The following OCRL variants were observed in gnomAD, a reference collection of about 807,000 sequenced individuals.
The protein encoded by OCRL is OCRL inositol polyphosphate-5-phosphatase.
Under a neutral mutation model 78.9 loss-of-function variants are expected in OCRL, and 8 were observed. The ratio of observed to expected loss-of-function variants is 0.10; its 90% CI spans 0.06 to 0.18. The LOEUF (loss-of-function observed/expected upper bound fraction) is 0.18, where lower values mean the gene tolerates loss of function less well. OCRL is among the 10% of genes least tolerant of loss of function. The pLI is 1.00. For missense variants in OCRL, 454 were observed against 696.7 expected, an observed-to-expected ratio of 0.65 and a Z score of 3.92; for synonymous variants, 240 against 235.4, an observed-to-expected ratio of 1.02 and a Z score of -0.18.
At chrX:129,584,323 C>A (rs951264023) in intron 18 of OCRL, 21 bp from the exon 19 acceptor site, 2 of 1,200,118 alleles carry the variant, frequency 1.7e-6, no homozygotes, top group South Asian at 1.8e-5. Flanking sequence ...CAATGACTTT[C>A]TTTTCCTGCT....
rs141191087 is a variant in OCRL at position 129,588,962 on chromosome X, G to A, written c.2418G>A (p.Glu806=). ...EALPEPVICY[E]LYQRCLDSAY... Reference sequence around the variant, plus strand: ...TGCCAGAGCCAGTCATCTGTTACGAGCTGTATCAGCGATGTCTTGACTCTG... The same window carrying A: ...TGCCAGAGCCAGTCATCTGTTACGAACTGTATCAGCGATGTCTTGACTCTG... The change falls in exon 22 of 24, where the codon GAG becomes GAA. Residue 806 remains glutamate, a synonymous_variant. Transcript: ENST00000371113. The A allele has an allele frequency of 1.7e-6, 2 of 1,209,812 alleles. No individual in the cohort carries two copies. The highest frequency in any genetic ancestry group is 1.7e-5 in the African/African-American group (1 of 57,287).
chrX:129,582,209 C>A (rs893692071), intron 18 of OCRL, among the ~76,000 whole-genome samples: 2 of 110,982 alleles, frequency 1.8e-5, no homozygotes, highest in African/African-American at 3.3e-5. Flanking sequence ...CCATCTCTAC[C>A]CTTTAAAATT....
At chrX:129,588,402 CTTGT>C (rs1166315827) in intron 21 of OCRL, 139 bp downstream of exon 21, 1 of 523,922 alleles carries the variant, frequency 1.9e-6, no homozygotes, top group Non-Finnish European at 3.2e-6. Flanking sequence ...TGACTATCCA[CTTGT>C]TTCTCATTTC....
chrX:129,562,341 T>C (rs780191597), intron 10 of OCRL, 43 bp from the exon 11 acceptor site: 10 of 973,171 alleles, frequency 1.0e-5, no homozygotes, highest in Non-Finnish European at 1.5e-5. Flanking sequence ...GTGGCAAAGA[T>C]TGGTATTAAC....
At chrX:129,570,580 A>T (rs1163047238) in intron 15 of OCRL, among the ~76,000 whole-genome samples, 3 of 112,591 alleles carry the variant, frequency 2.7e-5, no homozygotes, top group African/African-American at 9.7e-5. Flanking sequence ...TGGTCTTAGA[A>T]TAGATTTTAA....
intron 18 of OCRL, among the ~76,000 whole-genome samples, chrX:129,577,870 T>C (rs1469993226): frequency 8.9e-6 from 1 of 112,249 alleles, no homozygotes; most frequent in African/African-American, 3.2e-5. Flanking sequence ...GATTTTAGTA[T>C]TTCACCTTTT....
At chrX:129,570,147 T>G (rs781042417) in intron 15 of OCRL, among the ~76,000 whole-genome samples, 1 of 112,343 alleles carries the variant, frequency 8.9e-6, no homozygotes, top group East Asian at 2.8e-4. Flanking sequence ...TATCTTGTAA[T>G]CATGCTGATT....
chrX:129,545,927 T>C (rs1375989777), intron 3 of OCRL, among the ~76,000 whole-genome samples: 1 of 111,422 alleles, frequency 9.0e-6, no homozygotes, highest in Non-Finnish European at 1.9e-5. Context: ...TTGCCCAGGC[T>C]GGTCTCAAAC....
chrX:129,551,151 G>A (rs1379616622), intron 4 of OCRL, among the ~76,000 whole-genome samples: 2 of 111,319 alleles, frequency 1.8e-5, no homozygotes, highest in African/African-American at 6.5e-5. Flanking sequence ...TTTGTTGAGT[G>A]CCTTCTATTT....
At chrX:129,582,679 T>G (rs1420191283) in intron 18 of OCRL, among the ~76,000 whole-genome samples, 1 of 112,200 alleles carries the variant, frequency 8.9e-6, no homozygotes, top group African/African-American at 3.2e-5. Context: ...ACTATAAATA[T>G]GTACCTTATA....
chrX:129,585,819 A>G (rs1276796012), intron 19 of OCRL, among the ~76,000 whole-genome samples: 3 of 112,137 alleles, frequency 2.7e-5, no homozygotes, highest in Non-Finnish European at 5.6e-5. Flanking sequence ...AAAGAACACA[A>G]TGTTAAGAAG....
intron 12 of OCRL, among the ~76,000 whole-genome samples, chrX:129,564,536 C>T (rs1936189651): frequency 9.0e-6 from 1 of 111,011 alleles, no homozygotes; most frequent in Non-Finnish European, 1.9e-5. Flanking sequence ...GAATACTATG[C>T]AGCCATAAAA....
rs776996945 is a variant in OCRL at position 129,581,947 on chromosome X, C to T, written c.2116-2397C>T. Among the ~76,000 whole-genome samples, 27 of 104,256 alleles carry T rather than the reference C, an allele frequency of 2.6e-4. No individual in the cohort carries two copies. In the Admixed American group the frequency reaches 2.8e-3, roughly 11 times the overall value. The allele number at this position is 104,256 out of a possible 115,157, so 90.5% of individuals were successfully genotyped here. On this transcript the variant is annotated intron_variant, in intron 18 of 23. Coordinates refer to ENST00000371113, the MANE Select transcript of OCRL (RefSeq NM_000276.4). ...TGTACTACTGCTTTGGGGCCTATCA[C>T]TTCCTTGCTTAAAGGTAGTCAGTGG...
At chrX:129,566,460 C>T (rs1453411851) in intron 13 of OCRL, among the ~76,000 whole-genome samples, 1 of 112,499 alleles carries the variant, frequency 8.9e-6, no homozygotes, top group Non-Finnish European at 1.9e-5. Context: ...TTACATAAAA[C>T]CTGATATTCA....
At chrX:129,589,491 CA>C in intron 22 of OCRL, 1 of 297,148 alleles carries the variant, frequency 3.4e-6, no homozygotes, top group Non-Finnish European at 6.1e-6. Flanking sequence ...ACCATTCAAA[CA>C]AAAAAGAACA....
chrX:129,559,438 A>G (rs912669690), intron 8 of OCRL, among the ~76,000 whole-genome samples: 1 of 111,770 alleles, frequency 8.9e-6, no homozygotes, highest in Non-Finnish European at 1.9e-5. Flanking sequence ...AGCTCAGGCA[A>G]TCCACCCGCC....
At chrX:129,563,655 G>T (rs1936174654) in intron 12 of OCRL, among the ~76,000 whole-genome samples, 2 of 111,514 alleles carry the variant, frequency 1.8e-5, no homozygotes, top group African/African-American at 6.5e-5. Context: ...AGCAGAGAGA[G>T]GTCAGTGAAG....
At chrX:129,548,542 C>G in intron 3 of OCRL, 21 bp from the exon 4 acceptor site, 1 of 1,187,059 alleles carries the variant, frequency 8.4e-7, no homozygotes. Context: ...TAATCCTACT[C>G]TCTTTTTTTT....
chrX:129,571,387 CAG>C (rs1296128521), intron 15 of OCRL, among the ~76,000 whole-genome samples: 4 of 84,382 alleles, frequency 4.7e-5, no homozygotes, highest in African/African-American at 1.4e-4. Flanking sequence ...TTTTTTGAGA[CAG>C]AGTCTCGCTC....
Sources: allele counts gnomAD v4.1 joint callset (sites outside exome capture counted in the v4.1 genomes callset), GRCh38; gene constraint gnomAD v4.1.1; transcripts MANE v1.5; gene names NCBI Gene and HGNC (gene_info 2026-07-23, HGNC 2026-07-21).